Variants in GADL1 observed in about 807,000 individuals in gnomAD.
The protein encoded by GADL1 is GAD like acidic amino acid decarboxylase 1, also known as acidic amino acid decarboxylase GADL1.
GADL1 carries 71 observed loss-of-function variants against 69.5 expected under a neutral mutation model. The observed-to-expected ratio is 1.02, with a 90% CI of 0.84 to 1.25. The LOEUF (loss-of-function observed/expected upper bound fraction) is 1.25, where lower values mean the gene tolerates loss of function less well. GADL1 is among the 50% of genes most tolerant of loss of function. The pLI is 0.00. For missense variants in GADL1, 737 were observed against 631.8 expected (o/e 1.17, Z -1.79); for synonymous variants, 254 against 214.4 (o/e 1.18, Z -1.62).
chr3:30,880,059 AG>A (rs1188770997), intron 1 of GADL1, among the ~76,000 whole-genome samples: 1 of 151,916 alleles, frequency 6.6e-6, no homozygotes, highest in African/African-American at 2.4e-5. Flanking sequence ...GCAGAAGAAA[AG>A]CACAGTAATT....
intron 13 of GADL1, among the ~76,000 whole-genome samples, chr3:30,782,242 G>C (rs1235505242): frequency 1.3e-5 from 2 of 152,148 alleles, no homozygotes; most frequent in Non-Finnish European, 2.9e-5. Flanking sequence ...TTGAAAAGCT[G>C]CTCTAGCAGC....
chr3:30,794,747 GTCC>G (rs1246192268), intron 12 of GADL1, among the ~76,000 whole-genome samples: 2 of 152,142 alleles, frequency 1.3e-5, no homozygotes, highest in Admixed American at 1.3e-4. Context: ...TGGAATCATT[GTCC>G]TCCTGAAAGT....
intron 1 of GADL1, among the ~76,000 whole-genome samples, chr3:30,865,005 C>T (rs1358384422): frequency 1.3e-5 from 2 of 152,006 alleles, no homozygotes; most frequent in Non-Finnish European, 2.9e-5. Flanking sequence ...AATGACTCCT[C>T]ATCAAACTAA....
chr3:30,752,003 G>A (rs533238636), intron 14 of GADL1, among the ~76,000 whole-genome samples: 6 of 143,702 alleles, frequency 4.2e-5, no homozygotes, highest in African/African-American at 1.7e-4. Context: ...AAATAAGATA[G>A]GACGATTCTG....
chr3:30,866,670 C>T (rs746658275), intron 1 of GADL1, among the ~76,000 whole-genome samples: 1 of 149,138 alleles, frequency 6.7e-6, no homozygotes, highest in Non-Finnish European at 1.5e-5. Context: ...AGCAGAGCTT[C>T]CTCCACCATG....
At chr3:30,780,883 T>C (rs1266385037) in intron 13 of GADL1, among the ~76,000 whole-genome samples, 1 of 152,216 alleles carries the variant, frequency 6.6e-6, no homozygotes, top group Non-Finnish European at 1.5e-5. Flanking sequence ...GTTGAAAAAG[T>C]CTTTGAATTT....
intron 14 of GADL1, among the ~76,000 whole-genome samples, chr3:30,735,136 A>G (rs547246610): frequency 6.6e-6 from 1 of 152,242 alleles, no homozygotes; most frequent in South Asian, 2.1e-4. Flanking sequence ...CCCTTTTTGA[A>G]AGCTACTTGA....
At chr3:30,829,169 C>T (rs1266127277) in intron 11 of GADL1, among the ~76,000 whole-genome samples, 1 of 151,844 alleles carries the variant, frequency 6.6e-6, no homozygotes, top group Non-Finnish European at 1.5e-5. Context: ...CTGAAGTCAA[C>T]CTATTTATAA....
At chr3:30,780,058 C>T (rs766051637) in intron 13 of GADL1, among the ~76,000 whole-genome samples, 7 of 152,132 alleles carry the variant, frequency 4.6e-5, no homozygotes, top group Non-Finnish European at 7.4e-5. Context: ...GGTGGCATCA[C>T]GTGGCATCAC....
intron 1 of GADL1, among the ~76,000 whole-genome samples, chr3:30,873,454 T>C (rs982008877): frequency 2.0e-5 from 3 of 151,896 alleles, no homozygotes; most frequent in Non-Finnish European, 2.9e-5. Context: ...TGATTCCAGA[T>C]GCCATGTTAA....
At chr3:30,859,246 G>A (rs775947895) in intron 2 of GADL1, among the ~76,000 whole-genome samples, 44 of 152,008 alleles carry the variant, frequency 2.9e-4, no homozygotes, top group South Asian at 6.2e-4. Flanking sequence ...GGGGAAGCAG[G>A]AGGAAATACC....
At chr3:30,861,479 G>A (rs533971361) in intron 2 of GADL1, 114 bp downstream of exon 2, 99 of 702,766 alleles carry the variant, frequency 1.4e-4, no homozygotes, top group South Asian at 3.8e-4. Flanking sequence ...TTGAGACAAA[G>A]GCATAGAAGA....
intron 14 of GADL1, among the ~76,000 whole-genome samples, chr3:30,764,109 A>G (rs755917453): frequency 2.0e-5 from 3 of 152,102 alleles, no homozygotes; most frequent in East Asian, 1.9e-4. Flanking sequence ...GCAAATGTAC[A>G]TTATATATAC....
chr3:30,885,590 A>G (rs1400831542), intron 1 of GADL1, among the ~76,000 whole-genome samples: 1 of 152,038 alleles, frequency 6.6e-6, no homozygotes, highest in Non-Finnish European at 1.5e-5. Context: ...CCAATCACCC[A>G]CAACTACTTT....
chr3:30,873,641 C>T lies in GADL1; in HGVS notation c.38-11876G>A, dbSNP rs537756474. 7.2e-5 allele frequency among the ~76,000 whole-genome samples: 11 copies of T among 151,966 alleles called. No individual in the cohort carries two copies. In the South Asian group the frequency reaches 1.7e-3, roughly 23 times the overall value. ...TTACAATTAATATATAGTTTTAAAACCAATTTGCTCAAGTGTTGACTACAG... is the reference window on the plus strand; with the variant it reads ...TTACAATTAATATATAGTTTTAAAATCAATTTGCTCAAGTGTTGACTACAG... On this transcript the variant is annotated intron_variant, in intron 1 of 14. Transcript: ENST00000282538.
chr3:30,850,155 A>G, intron 5 of GADL1, 44 bp from the exon 6 acceptor site: 4 of 1,054,950 alleles, frequency 3.8e-6, no homozygotes, highest in Non-Finnish European at 5.9e-6. Flanking sequence ...GCATGAAGTT[A>G]TAGCTCGCAA....
chr3:30,880,263 G>A (rs2125544456), intron 1 of GADL1, among the ~76,000 whole-genome samples: 1 of 151,952 alleles, frequency 6.6e-6, no homozygotes, highest in Non-Finnish European at 1.5e-5. Flanking sequence ...ATCTAGAGAT[G>A]ATTTACGTAT....
intron 14 of GADL1, among the ~76,000 whole-genome samples, chr3:30,762,172 T>C (rs1183555161): frequency 6.6e-6 from 1 of 152,118 alleles, no homozygotes; most frequent in Admixed American, 6.6e-5. Flanking sequence ...CAATGGCTGT[T>C]TATGCAAGGC....
intron 12 of GADL1, 67 bp from the exon 13 acceptor site, chr3:30,786,473 T>A (rs1484434865): frequency 9.7e-6 from 8 of 820,688 alleles, no homozygotes; most frequent in Non-Finnish European, 1.5e-5. Flanking sequence ...ATGACTGATA[T>A]GACAAAACTG....
Sources: gnomAD v4.1 joint callset for allele counts (sites outside exome capture counted in the v4.1 genomes callset) on GRCh38, gnomAD v4.1.1 for gene constraint, MANE v1.5 for transcripts, NCBI Gene and HGNC (gene_info 2026-07-23, HGNC 2026-07-21) for gene names.